Variants in NXPE1 observed in about 807,000 individuals in gnomAD.
NXPE1 encodes the protein neurexophilin and PC-esterase domain family member 1, also known as NXPE family member 1.
In NXPE1, 31 loss-of-function variants were observed where a neutral mutation model predicts 33.3. That is an observed-to-expected ratio of 0.93 (90% confidence interval 0.70 to 1.26). The LOEUF is 1.26. Ranked by LOEUF, NXPE1 falls within the 50% of genes most tolerant of loss-of-function variation. NXPE1 has a pLI of 0.00. For missense variants in NXPE1, 661 were observed against 655.6 expected, an observed-to-expected ratio of 1.01 and a Z score of -0.09; for synonymous variants, 229 against 231.4, an observed-to-expected ratio of 0.99 and a Z score of 0.09.
At chr11:114,553,343 T>C (rs1948566731) in intron 1 of NXPE1, among the ~76,000 whole-genome samples, 1 of 152,224 alleles carries the variant, frequency 6.6e-6, no homozygotes, top group South Asian at 2.1e-4. Context: ...TGAATCTACC[T>C]ATCTTGGATT....
chr11:114,532,581 G>C (rs2134976351), intron 5 of NXPE1, among the ~76,000 whole-genome samples: 1 of 151,996 alleles, frequency 6.6e-6, no homozygotes, highest in East Asian at 1.9e-4. Context: ...ATATAACAAG[G>C]AAAAACAAAC....
chr11:114,554,385 A>G, intron 1 of NXPE1: 1 of 985,158 alleles, frequency 1.0e-6, no homozygotes, highest in Non-Finnish European at 1.2e-6. Context: ...TAGACCACAG[A>G]GGTGATGACA....
At chr11:114,541,965 T>C (rs1236078244) in intron 5 of NXPE1, among the ~76,000 whole-genome samples, 2 of 152,192 alleles carry the variant, frequency 1.3e-5, no homozygotes, top group Non-Finnish European at 2.9e-5. Context: ...TAAGTTAAGG[T>C]CTTTTTGATT....
At chr11:114,548,425 G>A (rs989424336) in intron 5 of NXPE1, among the ~76,000 whole-genome samples, 15 of 151,940 alleles carry the variant, frequency 9.9e-5, no homozygotes, top group African/African-American at 1.9e-4. Context: ...AGGTCATGAA[G>A]AAAACCTCAA....
At chr11:114,545,975 C>T (rs1948267346) in intron 5 of NXPE1, among the ~76,000 whole-genome samples, 2 of 152,084 alleles carry the variant, frequency 1.3e-5, no homozygotes, top group Admixed American at 6.6e-5. Context: ...AGGCATGAGC[C>T]ACTGCCCCTG....
intron 5 of NXPE1, among the ~76,000 whole-genome samples, chr11:114,545,545 G>T (rs984972477): frequency 2.0e-5 from 3 of 152,152 alleles, no homozygotes; most frequent in African/African-American, 7.2e-5. Flanking sequence ...ACCAATCAAT[G>T]GTTGCCAGAG....
chr11:114,530,368 A>G (rs767711774), exon 6 of NXPE1: 1 of 1,614,220 alleles, frequency 6.2e-7, no homozygotes, highest in East Asian at 2.2e-5. Context: ...AAGACATGAG[A>G]GGTGCCATTA....
At chr11:114,527,570 CACAGTGCCTAAG>C (rs530796625) in intron 7 of NXPE1, among the ~76,000 whole-genome samples, 127 of 152,300 alleles carry the variant, frequency 8.3e-4, no homozygotes, top group African/African-American at 2.9e-3. Context: ...AAGACATTTG[CACAGTGCCTAAG>C]ACTCTAGGAG....
At chr11:114,533,869 G>C (rs1947686614) in intron 5 of NXPE1, among the ~76,000 whole-genome samples, 1 of 152,214 alleles carries the variant, frequency 6.6e-6, no homozygotes, top group African/African-American at 2.4e-5. Flanking sequence ...GCAGGGCACA[G>C]ACAAACAAAA....
At chr11:114,530,474 C>T (rs1947538799) in exon 6 of NXPE1, 4 of 1,614,206 alleles carry the variant, frequency 2.5e-6, no homozygotes, top group Non-Finnish European at 3.4e-6. Context: ...GCAGCAGAGA[C>T]AGGGAGACCT....
intron 1 of NXPE1, among the ~76,000 whole-genome samples, chr11:114,557,844 A>G (rs2135145363): frequency 6.6e-6 from 1 of 151,738 alleles, no homozygotes; most frequent in East Asian, 1.9e-4. Context: ...AAAAAATCTT[A>G]TTTTGCTTTC....
chr11:114,549,939 A>G (rs1948416565), intron 5 of NXPE1, among the ~76,000 whole-genome samples: 1 of 152,088 alleles, frequency 6.6e-6, no homozygotes, highest in Admixed American at 6.6e-5. Flanking sequence ...AATAGAGAGA[A>G]GCTAAAATGG....
chr11:114,555,570 A>G (rs1948629516), intron 1 of NXPE1, among the ~76,000 whole-genome samples: 2 of 152,158 alleles, frequency 1.3e-5, no homozygotes, highest in South Asian at 4.1e-4. Context: ...ATGTTGGCAA[A>G]TGTAGACACC....
At chr11:114,551,474 C>G in intron 3 of NXPE1, 33 bp from the exon 4 acceptor site, 1 of 1,095,302 alleles carries the variant, frequency 9.1e-7, no homozygotes, top group Non-Finnish European at 1.1e-6. Flanking sequence ...CTTATAGGTT[C>G]TCTTAATGCC....
At chr11:114,534,222 G>A (rs1052539053) in intron 5 of NXPE1, among the ~76,000 whole-genome samples, 4 of 152,200 alleles carry the variant, frequency 2.6e-5, no homozygotes, top group Non-Finnish European at 5.9e-5. Context: ...GCAGCTGAGG[G>A]TTCTGACTGT....
At chr11:114,552,766 T>G (rs1290193669) in intron 2 of NXPE1, 86 bp downstream of exon 2, 1 of 452,554 alleles carries the variant, frequency 2.2e-6, no homozygotes, top group Admixed American at 6.4e-5. Flanking sequence ...AAAAGTATGA[T>G]TGCTATTGCA....
exon 7 of NXPE1, chr11:114,527,878 A>C: frequency 1.9e-5 from 30 of 1,604,152 alleles, no homozygotes; most frequent in Non-Finnish European, 2.5e-5. Flanking sequence ...ACGATCCTTC[A>C]TCATTTCAAC....
At chr11:114,557,527 G>A (rs1948679723) in intron 1 of NXPE1, among the ~76,000 whole-genome samples, 1 of 150,956 alleles carries the variant, frequency 6.6e-6, no homozygotes, top group African/African-American at 2.4e-5. Context: ...CTGGGCTCAA[G>A]TGATCCTTCT....
chr11:114,525,279 A>T (rs752603268), intron 7 of NXPE1, among the ~76,000 whole-genome samples: 18 of 151,992 alleles, frequency 1.2e-4, no homozygotes, highest in Admixed American at 1.0e-3. Flanking sequence ...TGAGAAATAG[A>T]TTCCATTATA....
Sources: gnomAD v4.1 joint callset for allele counts (sites outside exome capture counted in the v4.1 genomes callset) on GRCh38, gnomAD v4.1.1 for gene constraint, MANE v1.5 for transcripts, NCBI Gene and HGNC (gene_info 2026-07-23, HGNC 2026-07-21) for gene names.